INPP5A: variants seen among roughly 807,000 people sequenced by gnomAD.
The protein encoded by INPP5A is 43 kDa inositol polyphosphate 5-phophatase.
In INPP5A, 14 loss-of-function variants were observed where a neutral mutation model predicts 65.2. The ratio of observed to expected loss-of-function variants is 0.21; its 90% confidence interval spans 0.14 to 0.34. The LOEUF (loss-of-function observed/expected upper bound fraction) is 0.34, where lower values mean the gene tolerates loss of function less well. Ranked by LOEUF, INPP5A falls within the 10% of genes least tolerant of loss-of-function variation. The probability of loss-of-function intolerance (pLI) is 1.00; values close to 1 mark genes in which losing one functional copy is unlikely to be tolerated. For missense variants in INPP5A, 431 were observed against 545.6 expected, an observed-to-expected ratio of 0.79 and a Z score of 2.09; for synonymous variants, 207 against 208.3, an observed-to-expected ratio of 0.99 and a Z score of 0.05.
Position 132,549,824 on chromosome 10 carries a change from T to C in INPP5A, c.75+11653T>C, listed in dbSNP as rs2071027724. On this transcript the variant is annotated intron_variant, in intron 1 of 15. Transcript: ENST00000368594. The surrounding 1 kb of genome is among the most constrained non-coding windows in gnomAD (Gnocchi z 4.9). The stretch of plus-strand genomic sequence containing the variant: ...GTGTGTCTCTGTTACAGGATTGGTG[T>C]GACGTCTGAGTCACTGTGCCTTAGA... Among the ~76,000 whole-genome samples, 1 of 152,240 alleles carries C rather than the reference T, an allele frequency of 6.6e-6. No individual in the cohort carries two copies. The highest frequency in any genetic ancestry group is 2.4e-5 in the African/African-American group (1 of 41,456).
In INPP5A at chr10:132,646,081, G is replaced by T. The variant is rs1285870512; in HGVS notation, c.218+113G>T. The T allele has an allele frequency of 1.1e-5, 8 of 701,072 alleles. No individual in the cohort carries two copies. The East Asian group carries it at 2.2e-4, about 19-fold the overall frequency. 43.4% of individuals were successfully genotyped at this position (701,072 alleles called of 1,614,324 possible). A position where few individuals can be genotyped will look rare whatever the true frequency, so the allele number is the denominator to read the frequency against. On this transcript the variant is annotated intron_variant, in intron 3 of 15. Transcript: ENST00000368594. ...AGCCTCACCATTCGGGACTCACCTG[G>T]GGGTCATCTTGGCTGAGTCTCAGTT...
chr10:132,722,485 C>T (rs1845901923), intron 8 of INPP5A, among the ~76,000 whole-genome samples: 1 of 152,244 alleles, frequency 6.6e-6, no homozygotes, highest in Non-Finnish European at 1.5e-5. Flanking sequence ...TGCCCTGTCA[C>T]CGTGGGGCCT....
chr10:132,642,520 G>A (rs140273408), intron 2 of INPP5A, among the ~76,000 whole-genome samples: 48 of 152,334 alleles, frequency 3.2e-4, no homozygotes, highest in Non-Finnish European at 5.4e-4. Flanking sequence ...TGGGGTCGTT[G>A]GAATCTGAGG....
Position 132,676,711 on chromosome 10 carries a change from C to G in INPP5A, c.307-13681C>G, listed in dbSNP as rs1385378139. Among the ~76,000 whole-genome samples the G allele has an allele frequency of 6.6e-6, 1 of 152,202 alleles. No homozygotes were observed. Among genetic ancestry groups the G allele is most frequent in the Non-Finnish European group, 1.5e-5 (1 of 68,030 alleles). On this transcript the variant is annotated intron_variant, in intron 4 of 15. Coordinates refer to ENST00000368594, the MANE Select transcript of INPP5A (RefSeq NM_005539.5). The surrounding 1 kb of genome is among the most constrained non-coding windows in gnomAD (Gnocchi z 4.0). The stretch of plus-strand genomic sequence containing the variant: ...CTCCTGACTCTGCTCCAAGGTGCCA[C>G]CTGCCCAAGGTTCCGTCCTAGTCCC...
At chr10:132,639,840 A>G (rs778801360) in intron 2 of INPP5A, among the ~76,000 whole-genome samples, 1 of 152,146 alleles carries the variant, frequency 6.6e-6, no homozygotes. Flanking sequence ...GTTCTCTGTC[A>G]TCTTCATTTT....
At chr10:132,729,640 A>G (rs117286463) in intron 9 of INPP5A, among the ~76,000 whole-genome samples, 3,671 of 152,262 alleles carry the variant, frequency 0.024, 47 homozygotes, top group Non-Finnish European at 0.039. Flanking sequence ...GGCTGTCGCT[A>G]AAGGAGCCCT....
intron 1 of INPP5A, among the ~76,000 whole-genome samples, chr10:132,600,943 A>G (rs1156857231): frequency 1.3e-5 from 2 of 152,212 alleles, no homozygotes; most frequent in African/African-American, 4.8e-5. Context: ...ATTCTGGGAG[A>G]TACAATTCAA....
intron 1 of INPP5A, among the ~76,000 whole-genome samples, chr10:132,595,712 C>T (rs1298637423): frequency 1.3e-5 from 2 of 152,142 alleles, no homozygotes; most frequent in Non-Finnish European, 2.9e-5. Flanking sequence ...TCCGTGGACG[C>T]CCTGTGTAAC....
intron 4 of INPP5A, among the ~76,000 whole-genome samples, chr10:132,686,567 A>G (rs887216115): frequency 1.3e-5 from 2 of 152,222 alleles, no homozygotes; most frequent in Non-Finnish European, 2.9e-5. Context: ...CAGGGTAAAC[A>G]CCGAAAAAGT....
chr10:132,699,144 G>C (rs1590934321), intron 6 of INPP5A, among the ~76,000 whole-genome samples: 1 of 152,354 alleles, frequency 6.6e-6, no homozygotes, highest in South Asian at 2.1e-4. Context: ...CCTGGGTCAT[G>C]ACAGCCTCCC....
intron 11 of INPP5A, among the ~76,000 whole-genome samples, chr10:132,761,671 G>A (rs1160228163): frequency 6.6e-6 from 1 of 152,172 alleles, no homozygotes; most frequent in Non-Finnish European, 1.5e-5. Flanking sequence ...GGAGGCCAGT[G>A]CGGTGCAGGG....
In INPP5A at chr10:132,602,318, C is replaced by T. The variant is rs947815922; in HGVS notation, c.76-5597C>T. ...TTGCTGAATTGCTGAATTTTTGTGA[C>T]GGAGTCTCGTTCTGTCACCTAGGCT... is the stretch of plus-strand genomic sequence containing the variant. On this transcript the variant is annotated intron_variant, in intron 1 of 15. Transcript: ENST00000368594. Among the ~76,000 whole-genome samples, 65 of 152,276 alleles carry T rather than the reference C, an allele frequency of 4.3e-4. 1 individual carries two copies. Among genetic ancestry groups the T allele is most frequent in the African/African-American group, 3.1e-4 (13 of 41,544 alleles).
chr10:132,670,833 GTCTT>G (rs1184923110), intron 4 of INPP5A, among the ~76,000 whole-genome samples: 8 of 142,432 alleles, frequency 5.6e-5, no homozygotes, highest in South Asian at 2.3e-4. Flanking sequence ...TCTTGGCAGT[GTCTT>G]TCTTTCTTTT....
chr10:132,781,851 C>T lies in INPP5A; in HGVS notation c.1159-10C>T, dbSNP rs750467361. 27 of 1,612,526 alleles carry T rather than the reference C, an allele frequency of 1.7e-5. No individual in the cohort carries two copies. The African/African-American group carries it at 2.3e-4, about 14-fold the overall frequency. On this transcript the variant is annotated splice_polypyrimidine_tract_variant and intron_variant, in intron 14 of 15. Transcript: ENST00000368594. ...CGCCGTGCTGACACCGTCCTCTCTT[C>T]CTGCTGCAGCCCGTGTTCCTGGCCT...
At position 132,777,558 on chromosome 10, in the gene INPP5A, A is replaced by G. The variant is rs1847084757; in HGVS notation, c.978-113A>G. 2.1e-5 allele frequency: 18 copies of G among 852,662 alleles called. No homozygotes were observed. The South Asian group carries it at 3.0e-4, about 14-fold the overall frequency. 52.8% of individuals were successfully genotyped at this position (852,662 alleles called of 1,614,324 possible). ...ACTTCCATGTGTGTATTCATTCCCC[A>G]GGTAGTGCTGGCCATTCTAAGGTGT... On this transcript the variant is annotated intron_variant, in intron 12 of 15. Transcript: ENST00000368594.
chr10:132,750,696 C>T (rs556498146), intron 11 of INPP5A, among the ~76,000 whole-genome samples: 5 of 152,338 alleles, frequency 3.3e-5, no homozygotes, highest in African/African-American at 4.8e-5. Flanking sequence ...CCCACTGTGG[C>T]GATTCCAAGC....
chr10:132,763,980 G>A (rs61862840), intron 11 of INPP5A, among the ~76,000 whole-genome samples: 3,057 of 152,340 alleles, frequency 0.02, 82 homozygotes, highest in African/African-American at 0.067. Flanking sequence ...CGAGGCCTCC[G>A]CTGCATCCCC....
chr10:132,724,993 G>A (rs557837410), intron 8 of INPP5A, among the ~76,000 whole-genome samples: 18 of 148,918 alleles, frequency 1.2e-4, no homozygotes, highest in African/African-American at 3.7e-4. Context: ...CACCACAGAC[G>A]GGGGTCACTC....
intron 9 of INPP5A, among the ~76,000 whole-genome samples, chr10:132,728,442 C>A (rs111474230): frequency 0.026 from 4,014 of 152,346 alleles, 161 homozygotes; most frequent in African/African-American, 0.09. Flanking sequence ...TGTGCGGGAC[C>A]CGGGAGCAAG....
Sources: allele counts gnomAD v4.1 joint callset (sites outside exome capture counted in the v4.1 genomes callset), GRCh38; gene constraint gnomAD v4.1.1; non-coding constraint Gnocchi (gnomAD v3.1); transcripts MANE v1.5; gene names NCBI Gene and HGNC (gene_info 2026-07-23, HGNC 2026-07-21).